ALK: variants seen among roughly 807,000 people sequenced by gnomAD.
ALK encodes the protein ALK receptor tyrosine kinase.
In ALK, 74 loss-of-function variants were observed where a neutral mutation model predicts 163.1. The ratio of observed to expected loss-of-function variants is 0.45; its 90% CI spans 0.38 to 0.55. The LOEUF (loss-of-function observed/expected upper bound fraction) is 0.55, where lower values mean the gene tolerates loss of function less well. Among genes scored for constraint, ALK ranks in the 20% least tolerant of loss-of-function variants. The pLI is 0.00. For missense variants in ALK, 2,063 were observed against 2,105.3 expected (o/e 0.98, Z 0.39); for synonymous variants, 960 against 843.2 (o/e 1.14, Z -2.40).
chr2:29,861,125 T>C (rs997727041), intron 1 of ALK, among the ~76,000 whole-genome samples: 5 of 152,150 alleles, frequency 3.3e-5, no homozygotes, highest in Non-Finnish European at 7.4e-5. Flanking sequence ...TGAGTTGTAA[T>C]TGTACCATTG....
rs768827717 is a variant in ALK at position 29,919,977 on chromosome 2, G to T, written c.667+16C>A. ...AAAACACTAAATCCCGGCACACTCA[G>T]GCGGGAGCTGCTCACCAGTCCCGAA... is the stretch of plus-strand genomic sequence containing the variant. On this transcript the variant is annotated intron_variant, in intron 1 of 28. Coordinates refer to ENST00000389048, the MANE Select transcript of ALK (RefSeq NM_004304.5). The T allele has an allele frequency of 6.2e-7, 1 of 1,612,122 alleles. No individual in the cohort carries two copies. Among genetic ancestry groups the T allele is most frequent in the East Asian group, 2.2e-5 (1 of 44,834 alleles).
intron 3 of ALK, among the ~76,000 whole-genome samples, chr2:29,623,016 T>A (rs542949295): frequency 5.9e-5 from 9 of 152,364 alleles, no homozygotes; most frequent in African/African-American, 2.2e-4. Flanking sequence ...AGGAGGTTCC[T>A]AACAATGTTT....
At chr2:29,801,553 G>A (rs1321267616) in intron 1 of ALK, among the ~76,000 whole-genome samples, 1 of 152,198 alleles carries the variant, frequency 6.6e-6, no homozygotes, top group Non-Finnish European at 1.5e-5. Context: ...TCAAGGATCA[G>A]GGATGCCACA....
chr2:29,877,028 T>C (rs1259509143), intron 1 of ALK, among the ~76,000 whole-genome samples: 2 of 152,178 alleles, frequency 1.3e-5, no homozygotes, highest in Non-Finnish European at 2.9e-5. Context: ...CCCTCCAAAC[T>C]GGAAGAGAGC....
At chr2:29,375,857 C>T (rs1668741119) in intron 5 of ALK, among the ~76,000 whole-genome samples, 1 of 152,200 alleles carries the variant, frequency 6.6e-6, no homozygotes, top group African/African-American at 2.4e-5. Context: ...CTATTCAGTA[C>T]TGACAGAGGA....
chr2:29,655,633 G>T (rs954030), intron 3 of ALK, among the ~76,000 whole-genome samples: 1 of 151,958 alleles, frequency 6.6e-6, no homozygotes, highest in African/African-American at 2.4e-5. Flanking sequence ...CATGATCTCT[G>T]GACTCTAACA....
At chr2:29,562,458 G>C (rs755971897) in intron 3 of ALK, among the ~76,000 whole-genome samples, 4 of 152,128 alleles carry the variant, frequency 2.6e-5, no homozygotes, top group Non-Finnish European at 5.9e-5. Context: ...TAGTTTATCA[G>C]TTTTCTCTCT....
At chr2:29,855,426 A>G (rs1244501857) in intron 1 of ALK, among the ~76,000 whole-genome samples, 1 of 152,138 alleles carries the variant, frequency 6.6e-6, no homozygotes, top group African/African-American at 2.4e-5. Context: ...TGACACAGGA[A>G]CAGTTAGCCC....
chr2:29,607,307 C>T (rs977452241), intron 3 of ALK, among the ~76,000 whole-genome samples: 3 of 152,160 alleles, frequency 2.0e-5, no homozygotes, highest in African/African-American at 7.2e-5. Flanking sequence ...CCTCCAATGT[C>T]ATCATACTTT....
chr2:29,267,989 G>C lies in ALK; in HGVS notation c.2041+7110C>G, dbSNP rs189099605. ...GCCCAGAGTTCCTGGATCATTTATT[G>C]TCTCTCACTTATGCAAGCTTTCACT... On this transcript the variant is annotated intron_variant, in intron 11 of 28. Coordinates refer to ENST00000389048, the MANE Select transcript of ALK (RefSeq NM_004304.5). Among the ~76,000 whole-genome samples the C allele has an allele frequency of 2.2e-3, 342 of 152,306 alleles. 2 individuals carry two copies. Among genetic ancestry groups the C allele is most frequent in the African/African-American group, 7.9e-3 (328 of 41,558 alleles).
chr2:29,771,458 T>TA (rs766914106), intron 1 of ALK, among the ~76,000 whole-genome samples: 1 of 152,026 alleles, frequency 6.6e-6, no homozygotes, highest in Non-Finnish European at 1.5e-5. Context: ...TCAATAGTAA[T>TA]ACCAGAGACC....
At chr2:29,258,259 T>A (rs1002603064) in intron 11 of ALK, among the ~76,000 whole-genome samples, 3 of 152,234 alleles carry the variant, frequency 2.0e-5, no homozygotes, top group Non-Finnish European at 2.9e-5. Context: ...GCCAACTAGA[T>A]CCTTTTGCAA....
chr2:29,428,855 T>C (rs1670207056), intron 4 of ALK, among the ~76,000 whole-genome samples: 1 of 151,928 alleles, frequency 6.6e-6, no homozygotes. Flanking sequence ...TAAACACACA[T>C]ATCCTCAACA....
intron 1 of ALK, among the ~76,000 whole-genome samples, chr2:29,868,061 T>A (rs1168554596): frequency 1.3e-5 from 2 of 152,220 alleles, no homozygotes; most frequent in Admixed American, 1.3e-4. Context: ...GATCATGCCC[T>A]ACTTTGGCTA....
chr2:29,856,014 G>T (rs1666129457), intron 1 of ALK, among the ~76,000 whole-genome samples: 1 of 152,162 alleles, frequency 6.6e-6, no homozygotes, highest in Non-Finnish European at 1.5e-5. Flanking sequence ...ATGATGCCTT[G>T]CAGATGAAAT....
intron 1 of ALK, among the ~76,000 whole-genome samples, chr2:29,749,275 T>C (rs1310004607): frequency 1.3e-5 from 2 of 152,102 alleles, no homozygotes; most frequent in African/African-American, 4.8e-5. Flanking sequence ...ACATTGGTGG[T>C]TTGGAGGTCA....
intron 3 of ALK, among the ~76,000 whole-genome samples, chr2:29,676,060 T>C (rs1367601545): frequency 6.6e-6 from 1 of 152,018 alleles, no homozygotes; most frequent in African/African-American, 2.4e-5. Flanking sequence ...TTTAGTCTTA[T>C]TATTGATTTG....
At chr2:29,546,564 G>A (rs934959680) in intron 3 of ALK, among the ~76,000 whole-genome samples, 5 of 152,180 alleles carry the variant, frequency 3.3e-5, no homozygotes, top group African/African-American at 4.8e-5. Context: ...GGCGACCAGG[G>A]TGCCTTCAGT....
intron 11 of ALK, among the ~76,000 whole-genome samples, chr2:29,258,756 T>C (rs1165501553): frequency 6.6e-6 from 1 of 152,238 alleles, no homozygotes; most frequent in African/African-American, 2.4e-5. Context: ...TTTTAAAGCT[T>C]CTTTGCTATA....
Sources: gnomAD v4.1 joint callset for allele counts (sites outside exome capture counted in the v4.1 genomes callset) on GRCh38, gnomAD v4.1.1 for gene constraint, MANE v1.5 for transcripts, NCBI Gene and HGNC (gene_info 2026-07-23, HGNC 2026-07-21) for gene names.